NEK10: variants seen among roughly 807,000 people sequenced by gnomAD.
NEK10 encodes serine/threonine-protein kinase Nek10.
NEK10 carries 122 observed loss-of-function variants against 159.8 expected under a neutral mutation model. That is an observed-to-expected ratio of 0.76 (90% CI 0.66 to 0.89). The LOEUF (loss-of-function observed/expected upper bound fraction) is 0.89. Ranked by LOEUF, NEK10 falls within the 40% of genes least tolerant of loss-of-function variation. The probability of loss-of-function intolerance (pLI) is 0.00; values close to 1 mark genes in which losing one functional copy is unlikely to be tolerated. For synonymous variants in NEK10, 466 were observed against 457.1 expected, an observed-to-expected ratio of 1.02 and a Z score of -0.25; for missense variants, 1,342 against 1,323.1, an observed-to-expected ratio of 1.01 and a Z score of -0.22.
intron 23 of NEK10, among the ~76,000 whole-genome samples, chr3:27,242,580 G>C (rs1350959622): frequency 6.6e-6 from 1 of 152,072 alleles, no homozygotes; most frequent in East Asian, 1.9e-4. Context: ...CTAGGGGAAG[G>C]GACAGCCACA....
At chr3:27,275,882 G>C (rs2041734637) in intron 22 of NEK10, among the ~76,000 whole-genome samples, 1 of 152,086 alleles carries the variant, frequency 6.6e-6, no homozygotes, top group Non-Finnish European at 1.5e-5. Flanking sequence ...TGAAACTTTG[G>C]TGGCATTCAA....
At chr3:27,271,014 T>C (rs188551904) in intron 22 of NEK10, among the ~76,000 whole-genome samples, 1 of 152,308 alleles carries the variant, frequency 6.6e-6, no homozygotes, top group Admixed American at 6.5e-5. Flanking sequence ...CTAACTAGTA[T>C]GAAAGATCCA....
At chr3:27,367,146 T>G (rs2049156470) in intron 1 of NEK10, among the ~76,000 whole-genome samples, 1 of 152,176 alleles carries the variant, frequency 6.6e-6, no homozygotes, top group African/African-American at 2.4e-5. Flanking sequence ...GCTTACTATA[T>G]ATAAAGCACT....
chr3:27,133,255 G>A (rs998032460), intron 31 of NEK10, among the ~76,000 whole-genome samples: 2 of 152,136 alleles, frequency 1.3e-5, no homozygotes, highest in Admixed American at 6.5e-5. Flanking sequence ...TGTTCGTTCA[G>A]CATGACTTAA....
chr3:27,181,003 T>C (rs762209826), intron 26 of NEK10, among the ~76,000 whole-genome samples: 1 of 152,128 alleles, frequency 6.6e-6, no homozygotes, highest in Non-Finnish European at 1.5e-5. Flanking sequence ...CAGGCCTCCT[T>C]GCTGTTCCCC....
intron 5 of NEK10, among the ~76,000 whole-genome samples, chr3:27,335,860 T>C (rs918247183): frequency 6.6e-6 from 1 of 152,048 alleles, no homozygotes; most frequent in Non-Finnish European, 1.5e-5. Flanking sequence ...ACAAAGCAAA[T>C]GCTGTACTAA....
intron 32 of NEK10, among the ~76,000 whole-genome samples, chr3:27,128,193 G>A (rs949263152): frequency 2.0e-5 from 3 of 152,112 alleles, no homozygotes; most frequent in Non-Finnish European, 2.9e-5. Flanking sequence ...CTGCAGTTGC[G>A]TTCCAACAAC....
chr3:27,296,010 C>G (rs2043328245), intron 14 of NEK10, among the ~76,000 whole-genome samples: 2 of 152,112 alleles, frequency 1.3e-5, no homozygotes, highest in African/African-American at 4.8e-5. Context: ...GTCCCAATAT[C>G]TTAGATTTAT....
chr3:27,116,517 C>G (rs1014738257), intron 33 of NEK10, among the ~76,000 whole-genome samples: 1 of 151,918 alleles, frequency 6.6e-6, no homozygotes, highest in Non-Finnish European at 1.5e-5. Flanking sequence ...AATAAATATA[C>G]GTTAGAAAGA....
In NEK10 at chr3:27,268,543, A is replaced by G. The variant is rs546542057; in HGVS notation, c.2015-12172T>C. Among the ~76,000 whole-genome samples the G allele has an allele frequency of 9.5e-4, 144 of 152,344 alleles. 1 individual carries two copies. The highest frequency in any genetic ancestry group is 1.8e-3 in the Non-Finnish European group (125 of 68,034). ...GCTTGTTGTCTATAAGTGGAACAAC[A>G]AAGTCTGAATGACAGTCCTTCTATT... On this transcript the variant is annotated intron_variant, in intron 22 of 35. Coordinates refer to ENST00000691995, the MANE Select transcript of NEK10 (RefSeq NM_001394966.1).
chr3:27,246,805 C>T (rs77281151), intron 23 of NEK10, among the ~76,000 whole-genome samples: 1 of 152,024 alleles, frequency 6.6e-6, no homozygotes, highest in East Asian at 1.9e-4. Context: ...AATTTTTAGT[C>T]CCATATTTCA....
At chr3:27,185,950 A>G (rs1454078517) in intron 26 of NEK10, among the ~76,000 whole-genome samples, 1 of 152,262 alleles carries the variant, frequency 6.6e-6, no homozygotes, top group Non-Finnish European at 1.5e-5. Context: ...CAAAGACAGA[A>G]TTAGTAGAGC....
At chr3:27,139,616 C>T (rs142292041) in intron 31 of NEK10, among the ~76,000 whole-genome samples, 3 of 152,232 alleles carry the variant, frequency 2.0e-5, no homozygotes, top group Non-Finnish European at 4.4e-5. Flanking sequence ...TATGGGTGCA[C>T]GTACTACAGA....
At chr3:27,206,308 A>C (rs553208521) in intron 23 of NEK10, among the ~76,000 whole-genome samples, 2 of 152,292 alleles carry the variant, frequency 1.3e-5, no homozygotes, top group East Asian at 3.9e-4. Context: ...CATGGGGCTC[A>C]CTTTCTAGTA....
chr3:27,243,830 GGTGTGTGTGTGTGTGT>G (rs56720203), intron 23 of NEK10, among the ~76,000 whole-genome samples: 35,212 of 148,302 alleles, frequency 0.24, 4,437 homozygotes, highest in Middle Eastern at 0.38. Flanking sequence ...TGACACCATG[GGTGTGTGTGTGTGTGT>G]GTGTGTGTGT....
At chr3:27,134,875 A>G (rs1048046744) in intron 31 of NEK10, among the ~76,000 whole-genome samples, 3 of 152,218 alleles carry the variant, frequency 2.0e-5, no homozygotes, top group Non-Finnish European at 4.4e-5. Context: ...CTATAATACT[A>G]AGAATAGAAT....
chr3:27,172,776 A>C (rs1414517921), intron 28 of NEK10, among the ~76,000 whole-genome samples: 1 of 152,194 alleles, frequency 6.6e-6, no homozygotes, highest in African/African-American at 2.4e-5. Flanking sequence ...AAAATTTTAA[A>C]TAAGTTTTTT....
intron 31 of NEK10, among the ~76,000 whole-genome samples, chr3:27,132,810 G>T (rs1942775663): frequency 6.6e-6 from 1 of 151,960 alleles, no homozygotes; most frequent in Admixed American, 6.6e-5. Flanking sequence ...TTTAAATTAT[G>T]GAAAGAACTT....
intron 7 of NEK10, among the ~76,000 whole-genome samples, chr3:27,313,355 T>C (rs1325046114): frequency 1.3e-5 from 2 of 152,200 alleles, no homozygotes; most frequent in African/African-American, 4.8e-5. Flanking sequence ...ATATATTCAC[T>C]TGCTTACCCT....
Sources: allele counts gnomAD v4.1 joint callset (sites outside exome capture counted in the v4.1 genomes callset), GRCh38; gene constraint gnomAD v4.1.1; transcripts MANE v1.5; gene names NCBI Gene and HGNC (gene_info 2026-07-23, HGNC 2026-07-21).